FAM20A: variants seen among roughly 807,000 people sequenced by gnomAD.
FAM20A encodes FAM20A golgi associated secretory pathway pseudokinase, also known as pseudokinase FAM20A.
A neutral mutation model predicts 52.0 loss-of-function variants in FAM20A; 42 were observed. The ratio of observed to expected loss-of-function variants is 0.81; its 90% CI spans 0.63 to 1.04. FAM20A has a LOEUF of 1.04. Ranked by LOEUF, FAM20A falls within the 50% of genes least tolerant of loss-of-function variation. FAM20A has a pLI of 0.00. For missense variants in FAM20A, 742 were observed against 712.7 expected, an observed-to-expected ratio of 1.04 and a Z score of -0.47; for synonymous variants, 304 against 298.9, an observed-to-expected ratio of 1.02 and a Z score of -0.18.
Position 68,561,675 on chromosome 17 carries a change from G to A in FAM20A, c.405-5932C>T, listed in dbSNP as rs145176405. Among the ~76,000 whole-genome samples the A allele has an allele frequency of 7.0e-3, 1,031 of 148,100 alleles. 6 individuals carry two copies. Among genetic ancestry groups the A allele is most frequent in the African/African-American group, 0.024 (959 of 39,910 alleles). On this transcript the variant is annotated intron_variant, in intron 1 of 10. Transcript: ENST00000592554. ...ACATGAATTTTACAATTATATAAAC[G>A]CTTTCAAAATGGAAACCTTAAAAAG... is the stretch of plus-strand genomic sequence containing the variant.
In FAM20A at chr17:68,535,239, G is replaced by A; in HGVS notation, c.*2238C>T. The A allele has an allele frequency of 2.2e-6, 1 of 451,162 alleles. No homozygotes were observed. The allele number at this position is 451,162 out of a possible 1,614,324, so 27.9% of individuals were successfully genotyped here. On this transcript the variant is annotated 3_prime_UTR_variant, in exon 11 of 11. Transcript: ENST00000592554. Reference sequence around the variant, plus strand: ...TTTTTGAGAAATGAGTCTTAATTTTGTTACTAATCAAAAAGTAATGGAAGG... The same window carrying A: ...TTTTTGAGAAATGAGTCTTAATTTTATTACTAATCAAAAAGTAATGGAAGG...
intron 1 of FAM20A, among the ~76,000 whole-genome samples, chr17:68,578,218 GT>G (rs2087830133): frequency 6.6e-6 from 1 of 152,160 alleles, no homozygotes; most frequent in Non-Finnish European, 1.5e-5. Context: ...ATTTTCAAAA[GT>G]GTCTGAATTC....
intron 1 of FAM20A, among the ~76,000 whole-genome samples, chr17:68,562,611 T>TCCC (rs556263514): frequency 1.7e-4 from 25 of 149,360 alleles, no homozygotes; most frequent in African/African-American, 6.0e-4. Context: ...TCCTTTTCCA[T>TCCC]CCCCCCCCCT....
chr17:68,537,855 T>C lies in FAM20A; in HGVS notation c.1362-114A>G, dbSNP rs2143443312. ...CTGATACTCTTGGCGCCTCTCCTTG[T>C]GTCTTCTCAGGCACATTTTAATGGA... On this transcript the variant is annotated intron_variant, in intron 10 of 10. Transcript: ENST00000592554. This position sits in a 1 kb window ranked among gnomAD's most constrained non-coding sequence, Gnocchi z 4.2. The C allele has an allele frequency of 8.3e-7, 1 of 1,199,292 alleles. No individual in the cohort carries two copies. Among genetic ancestry groups the C allele is most frequent in the East Asian group, 2.5e-5 (1 of 39,352 alleles). The allele number at this position is 1,199,292 out of a possible 1,614,324, so 74.3% of individuals were successfully genotyped here. A position where few individuals can be genotyped will look rare whatever the true frequency, so the allele number is the denominator to read the frequency against.
intron 6 of FAM20A, 94 bp downstream of exon 6, chr17:68,542,600 G>A: frequency 3.2e-6 from 3 of 935,746 alleles, no homozygotes; most frequent in South Asian, 1.3e-5. Flanking sequence ...GATAGTGCTA[G>A]CAGCAGGGTG....
chr17:68,590,731 T>C (rs773220937), intron 1 of FAM20A, among the ~76,000 whole-genome samples: 2 of 152,210 alleles, frequency 1.3e-5, no homozygotes, highest in Non-Finnish European at 2.9e-5. Flanking sequence ...TCTGGTACCA[T>C]GTTAGTCACT....
intron 3 of FAM20A, 84 bp downstream of exon 3, chr17:68,554,693 C>T: frequency 7.3e-7 from 1 of 1,370,708 alleles, no homozygotes. Flanking sequence ...CACTCTTGCC[C>T]AAGGTCGCCA....
chr17:68,542,429 G>T (rs2086343740), intron 6 of FAM20A, among the ~76,000 whole-genome samples: 1 of 152,140 alleles, frequency 6.6e-6, no homozygotes, highest in Non-Finnish European at 1.5e-5. Flanking sequence ...ACCCTGGGTG[G>T]ATAACCTCTG....
chr17:68,558,275 C>T, intron 1 of FAM20A: 1 of 393,814 alleles, frequency 2.5e-6, no homozygotes, highest in Non-Finnish European at 5.2e-6. Flanking sequence ...GAAAATGCAG[C>T]CAACCAACAC....
chr17:68,581,370 C>CTTTCTT (rs1193011947), intron 1 of FAM20A, among the ~76,000 whole-genome samples: 4 of 139,462 alleles, frequency 2.9e-5, no homozygotes, highest in Non-Finnish European at 6.1e-5. Flanking sequence ...TTCTTTCTTT[C>CTTTCTT]TTTCTTTCTT....
intron 4 of FAM20A, among the ~76,000 whole-genome samples, chr17:68,549,586 G>A (rs770433075): frequency 5.9e-5 from 9 of 151,480 alleles, no homozygotes; most frequent in East Asian, 5.8e-4. Context: ...TTTGTGGTGC[G>A]TTTGCAGATT....
chr17:68,589,204 C>T (rs746258848), intron 1 of FAM20A, among the ~76,000 whole-genome samples: 2 of 152,288 alleles, frequency 1.3e-5, no homozygotes, highest in South Asian at 2.1e-4. Context: ...GTGGAGGCCA[C>T]GTGGAGCCAA....
intron 4 of FAM20A, among the ~76,000 whole-genome samples, chr17:68,544,597 G>T (rs1166587039): frequency 6.6e-6 from 1 of 152,180 alleles, no homozygotes; most frequent in East Asian, 1.9e-4. Flanking sequence ...AGAAGCACTG[G>T]CAATTTAAAC....
chr17:68,571,766 G>A (rs899174336), intron 1 of FAM20A, among the ~76,000 whole-genome samples: 8 of 151,670 alleles, frequency 5.3e-5, no homozygotes, highest in African/African-American at 1.9e-4. Flanking sequence ...GAAGGATTCA[G>A]GTTTTGTGAG....
chr17:68,598,603 G>A (rs542373047), intron 1 of FAM20A, among the ~76,000 whole-genome samples: 2 of 152,298 alleles, frequency 1.3e-5, no homozygotes, highest in African/African-American at 4.8e-5. Flanking sequence ...GAAAGTATGT[G>A]TGTTTTTGCG....
Position 68,535,808 on chromosome 17 carries a change from ATTTTT to A in FAM20A, c.*1664_*1668del, listed in dbSNP as rs113263481. On this transcript the variant is annotated 3_prime_UTR_variant, in exon 11 of 11. Coordinates refer to ENST00000592554, the MANE Select transcript of FAM20A (RefSeq NM_017565.4). The stretch of plus-strand genomic sequence containing the variant: ...ACAGGTGTGAGCCCATGCCCAGCTG[ATTTTT>A]TTTTTAAGCAAACAAATTTGACTTC... 2.3e-6 allele frequency: 1 copy of A among 430,290 alleles called. No individual in the cohort carries two copies. Among genetic ancestry groups the A allele is most frequent in the Non-Finnish European group, 4.6e-6 (1 of 215,608 alleles). 26.7% of individuals were successfully genotyped at this position (430,290 alleles called of 1,614,324 possible). A position where few individuals can be genotyped will look rare whatever the true frequency, so the allele number is the denominator to read the frequency against.
chr17:68,564,314 T>C (rs572152420), intron 1 of FAM20A, among the ~76,000 whole-genome samples: 12 of 152,322 alleles, frequency 7.9e-5, no homozygotes, highest in African/African-American at 2.9e-4. Flanking sequence ...AGTGCAGTAA[T>C]ATTCAACCAT....
At position 68,600,686 on chromosome 17, in the gene FAM20A, AC is replaced by A; in HGVS notation, c.-21del. 6.5e-7 allele frequency: 1 copy of A among 1,530,704 alleles called. No homozygotes were observed. The highest frequency in any genetic ancestry group is 8.7e-7 in the Non-Finnish European group (1 of 1,145,222). The allele number at this position is 1,530,704 out of a possible 1,614,324, so 94.8% of individuals were successfully genotyped here. ...CGGCATGGCGTGCTGGCCAAGGGGG[AC>A]GCCGGGGGCAGGCCGGCTGTCTCCG... On this transcript the variant is annotated 5_prime_UTR_variant, in exon 1 of 11. Transcript: ENST00000592554. This position sits in a 1 kb window ranked among gnomAD's most constrained non-coding sequence, Gnocchi z 6.2.
chr17:68,589,817 G>T (rs565821176), intron 1 of FAM20A, among the ~76,000 whole-genome samples: 1 of 152,204 alleles, frequency 6.6e-6, no homozygotes, highest in South Asian at 2.1e-4. Flanking sequence ...AAAACAAGAA[G>T]GATAATACGA....
Sources: gnomAD v4.1 joint callset for allele counts (sites outside exome capture counted in the v4.1 genomes callset) on GRCh38, gnomAD v4.1.1 for gene constraint, Gnocchi (gnomAD v3.1) non-coding constraint, MANE v1.5 for transcripts, NCBI Gene and HGNC (gene_info 2026-07-23, HGNC 2026-07-21) for gene names.